Variants in KCNH2 observed in about 807,000 individuals in gnomAD.
KCNH2 encodes potassium voltage-gated channel subfamily H member 2.
In KCNH2, 35 loss-of-function variants were observed where a neutral mutation model predicts 95.9. That is an observed-to-expected ratio of 0.37 (90% CI 0.28 to 0.48). The LOEUF is 0.48. Among genes scored for constraint, KCNH2 ranks in the 20% least tolerant of loss-of-function variants. The probability of loss-of-function intolerance (pLI) is 0.99; values close to 1 mark genes in which losing one functional copy is unlikely to be tolerated. For missense variants in KCNH2, 1,274 were observed against 1,702.9 expected, an observed-to-expected ratio of 0.75 and a Z score of 4.43; for synonymous variants, 786 against 754.7, an observed-to-expected ratio of 1.04 and a Z score of -0.68.
At chr7:150,969,229 A>G (rs1022917693) in intron 2 of KCNH2, among the ~76,000 whole-genome samples, 1 of 152,142 alleles carries the variant, frequency 6.6e-6, no homozygotes, top group Non-Finnish European at 1.5e-5. Context: ...CAGCCTTTCT[A>G]AGCAAGAGCT....
At chr7:150,968,391 G>A (rs201135399) in intron 2 of KCNH2, among the ~76,000 whole-genome samples, 5 of 152,160 alleles carry the variant, frequency 3.3e-5, no homozygotes, top group East Asian at 1.9e-4. Context: ...GAAGCGTGGC[G>A]GCCGCATGCC....
At chr7:150,949,982 C>T in intron 9 of KCNH2, 186 bp downstream of exon 9, 1 of 1,550,408 alleles carries the variant, frequency 6.4e-7, no homozygotes, top group Non-Finnish European at 8.7e-7. Context: ...TCAGCAGCCT[C>T]ACCCCACGTG....
chr7:150,970,420 G>A (rs1348011437), intron 2 of KCNH2, among the ~76,000 whole-genome samples: 2 of 151,878 alleles, frequency 1.3e-5, no homozygotes, highest in African/African-American at 2.4e-5. Context: ...CGGAGAAGCC[G>A]CTCTCCCGAC....
intron 2 of KCNH2, among the ~76,000 whole-genome samples, chr7:150,970,615 G>A (rs1334446151): frequency 6.6e-6 from 1 of 152,194 alleles, no homozygotes; most frequent in Non-Finnish European, 1.5e-5. Flanking sequence ...AGCTAGAGAA[G>A]GGAAAGGTGG....
rs140395995 is a variant in KCNH2 at position 150,946,853 on chromosome 7, C to T, written c.3330+24G>A. 45 of 1,590,012 alleles carry T rather than the reference C, an allele frequency of 2.8e-5. 2 individuals are homozygous for T. The South Asian group carries it at 4.2e-4, about 15-fold the overall frequency. ...GGGGAACAAGCGGGTCACGGTACATCGAGGAAGCAGGGCTGGAGCTTACCT... is the reference window on the plus strand; with the variant it reads ...GGGGAACAAGCGGGTCACGGTACATTGAGGAAGCAGGGCTGGAGCTTACCT... On this transcript the variant is annotated intron_variant, in intron 14 of 14. Transcript: ENST00000262186. This position sits in a 1 kb window ranked among gnomAD's most constrained non-coding sequence, Gnocchi z 6.5.
rs999440318 is a variant in KCNH2, at chr7:150,947,333, G to A, written c.3147C>T (p.Leu1049=). Residue 1049 remains leucine (L), a synonymous_variant, in exon 13 of 15, where the codon CTC becomes CTT. Transcript: ENST00000262186. Reference sequence around the variant, plus strand: ...CCCCACCTGCACTCCCTCACCTGTTGAGCTGGCGCTGGAGGGCATCCAGCC... The same window carrying A: ...CCCCACCTGCACTCCCTCACCTGTTAAGCTGGCGCTGGAGGGCATCCAGCC... ...ESRLDALQRQ[L]NRLETRLSAD... The A allele has an allele frequency of 1.4e-5, 21 of 1,541,672 alleles. No homozygotes were observed. The African/African-American group carries it at 2.2e-4, about 16-fold the overall frequency.
intron 3 of KCNH2, among the ~76,000 whole-genome samples, chr7:150,958,848 G>A (rs1801475050): frequency 6.6e-6 from 1 of 152,230 alleles, no homozygotes; most frequent in Non-Finnish European, 1.5e-5. Context: ...AGTGCGTGGG[G>A]CCTGCGCCTA....
At chr7:150,947,956 A>T in intron 11 of KCNH2, 78 bp from the exon 12 acceptor site, 1 of 1,452,838 alleles carries the variant, frequency 6.9e-7, no homozygotes, top group Non-Finnish European at 9.1e-7. Context: ...AGGGGACAGG[A>T]GCGAGCCCGA....
At chr7:150,977,487 C>G (rs1163657789) in intron 1 of KCNH2, among the ~76,000 whole-genome samples, 2 of 152,158 alleles carry the variant, frequency 1.3e-5, no homozygotes, top group Non-Finnish European at 2.9e-5. Context: ...ACTCTTATGC[C>G]CTTGCACACA....
At chr7:150,954,795 G>T (rs1014584600) in intron 5 of KCNH2, among the ~76,000 whole-genome samples, 2 of 152,210 alleles carry the variant, frequency 1.3e-5, no homozygotes, top group Non-Finnish European at 2.9e-5. Flanking sequence ...CAGAAGAGCG[G>T]CTGGATGGCT....
Position 150,958,368 on chromosome 7 carries a change from C to A in KCNH2, c.607G>T (p.Ala203Ser). The A allele has an allele frequency of 1.4e-6, 2 of 1,481,346 alleles. No homozygotes were observed. The highest frequency in any genetic ancestry group is 1.8e-6 in the Non-Finnish European group (2 of 1,123,066). The allele number at this position is 1,481,346 out of a possible 1,614,324, so 91.8% of individuals were successfully genotyped here. Residue 203 changes from alanine (A) to serine (S), a missense_variant, in exon 4 of 15, where the codon GCG (alanine) becomes TCG (serine). Ala to Ser is a moderately conservative substitution (Grantham distance 99, BLOSUM62 1). This residue lies in a region of KCNH2 where 392 missense variants were observed against 429.9 expected (regional missense o/e 0.91). Transcript: ENST00000262186. ...AVVVDVDLTPAAPSSESLALD... is the reference protein window; with the variant it reads ...AVVVDVDLTPSAPSSESLALD... ...GCCAGCGACTCGCTGCTGGGTGCCGCGGGCGTCAGGTCCACGTCCACCACC... is the reference window on the plus strand; with the variant it reads ...GCCAGCGACTCGCTGCTGGGTGCCGAGGGCGTCAGGTCCACGTCCACCACC...
At chr7:150,976,178 C>G (rs1368477525) in intron 1 of KCNH2, among the ~76,000 whole-genome samples, 1 of 152,178 alleles carries the variant, frequency 6.6e-6, no homozygotes, top group African/African-American at 2.4e-5. Flanking sequence ...CTCCCCTCCC[C>G]AGCAAGCATA....
rs1273532552 is a variant in KCNH2 at position 150,958,413 on chromosome 7, C to A, written c.562G>T (p.Ala188Ser). The change falls in exon 4 of 15, where the codon GCG (alanine) becomes TCG (serine). Residue 188 changes from alanine to serine, a missense_variant. This residue lies in a region of KCNH2 where 392 missense variants were observed against 429.9 expected (regional missense o/e 0.91). Transcript: ENST00000262186. Reference sequence around the variant, plus strand: ...ACCACCACGGCCCCCGGGGCGCCCGCGCCGCCCGCGCCGCCCGACCGCACC... The same window carrying A: ...ACCACCACGGCCCCCGGGGCGCCCGAGCCGCCCGCGCCGCCCGACCGCACC... ...SSVRSGGAGG[A>S]GAPGAVVVDV... 1.4e-6 allele frequency: 2 copies of A among 1,432,860 alleles called. No individual in the cohort carries two copies. Among genetic ancestry groups the A allele is most frequent in the Non-Finnish European group, 9.1e-7 (1 of 1,102,694 alleles). 88.8% of individuals were successfully genotyped at this position (1,432,860 alleles called of 1,614,324 possible).
chr7:150,955,401 G>C lies in KCNH2; in HGVS notation c.1128+1890C>G. On this transcript the variant is annotated intron_variant, in intron 5 of 14. Coordinates refer to ENST00000262186, the MANE Select transcript of KCNH2 (RefSeq NM_000238.4). Reference sequence around the variant, plus strand: ...AAGGACCGGGTGTCACCTACCTCCTGGGCCACGAGGCTGGAGATGCGCACG... The same window carrying C: ...AAGGACCGGGTGTCACCTACCTCCTCGGCCACGAGGCTGGAGATGCGCACG... 6.4e-7 allele frequency: 1 copy of C among 1,558,826 alleles called. No individual in the cohort carries two copies. Among genetic ancestry groups the C allele is most frequent in the Non-Finnish European group, 8.7e-7 (1 of 1,151,870 alleles).
intron 1 of KCNH2, among the ~76,000 whole-genome samples, chr7:150,976,887 C>G (rs1268566838): frequency 2.0e-5 from 3 of 151,954 alleles, no homozygotes; most frequent in Non-Finnish European, 4.4e-5. Flanking sequence ...GACCATCGGA[C>G]TGACCCCTCC....
rs1031238925 is a variant in KCNH2, at chr7:150,958,458, G to A, written c.517C>T (p.Leu173=). 6 of 1,465,814 alleles carry A rather than the reference G, an allele frequency of 4.1e-6. No individual in the cohort carries two copies. The Middle Eastern group carries it at 8.8e-4, about 215-fold the overall frequency. 90.8% of individuals were successfully genotyped at this position (1,465,814 alleles called of 1,614,324 possible). ...FRLKLPALLA[L]TARESSVRSG... ...CGCACCGACGACTCCCGGGCCGTCA[G>A]CGCCAGCAGCGCGGGCAGCTTCAGG... The change falls in exon 4 of 15, where the codon CTG becomes TTG. Residue 173 remains leucine (L), a synonymous_variant. Coordinates refer to ENST00000262186, the MANE Select transcript of KCNH2 (RefSeq NM_000238.4).
Position 150,966,389 on chromosome 7 carries a change from C to CA in KCNH2, c.308-6654_308-6653insT, listed in dbSNP as rs1302793071. 1.3e-4 allele frequency among the ~76,000 whole-genome samples: 8 copies of CA among 61,840 alleles called. 1 individual carries two copies. The highest frequency in any genetic ancestry group is 2.3e-4 in the Non-Finnish European group (8 of 34,054). The allele number at this position is 61,840 out of a possible 152,430, so 40.6% of individuals were successfully genotyped here. A position where few individuals can be genotyped will look rare whatever the true frequency, so the allele number is the denominator to read the frequency against. On this transcript the variant is annotated intron_variant, in intron 2 of 14. Transcript: ENST00000262186. ...CTCATTGATTTGCCCCCTCCCCCCCCCCCACACACACACACACACAGGACA... is the reference window on the plus strand; with the variant it reads ...CTCATTGATTTGCCCCCTCCCCCCCCACCCACACACACACACACACAGGACA...
In KCNH2 at chr7:150,972,606, C is replaced by G. The variant is rs555491035; in HGVS notation, c.307+2105G>C. Among the ~76,000 whole-genome samples the G allele has an allele frequency of 5.9e-5, 9 of 152,344 alleles. No individual in the cohort carries two copies. In the South Asian group the frequency reaches 1.9e-3, roughly 32 times the overall value. On this transcript the variant is annotated intron_variant, in intron 2 of 14. Transcript: ENST00000262186. ...AACTAGGTGAGAGTGAAGAAGGGGA[C>G]AGACAGAGATTGCTGGCACAGAGTT... is the stretch of plus-strand genomic sequence containing the variant.
At chr7:150,951,353 G>GA in intron 7 of KCNH2, 95 bp downstream of exon 7, 2 of 1,511,998 alleles carry the variant, frequency 1.3e-6, no homozygotes, top group South Asian at 2.3e-5. Flanking sequence ...TAAGTTCCAG[G>GA]GCCTCACTCT....
Sources: gnomAD v4.1 joint callset for allele counts (sites outside exome capture counted in the v4.1 genomes callset) on GRCh38, gnomAD v4.1.1 for gene constraint, gnomAD v4.1.1 regional missense constraint, Gnocchi (gnomAD v3.1) non-coding constraint, MANE v1.5 for transcripts, NCBI Gene and HGNC (gene_info 2026-07-23, HGNC 2026-07-21) for gene names.